SLC5A4: variants seen among roughly 807,000 people sequenced by gnomAD.
SLC5A4 encodes probable glucose sensor protein SLC5A4.
SLC5A4 carries 55 observed loss-of-function variants against 70.3 expected under a neutral mutation model. The ratio of observed to expected loss-of-function variants is 0.78; its 90% confidence interval spans 0.63 to 0.98. The LOEUF (loss-of-function observed/expected upper bound fraction) is 0.98, where lower values mean the gene tolerates loss of function less well. Among genes scored for constraint, SLC5A4 ranks in the 50% least tolerant of loss-of-function variants. The pLI, the probability that SLC5A4 is intolerant of heterozygous loss-of-function variation, is 0.00. For synonymous variants in SLC5A4, 268 were observed against 305.7 expected (o/e 0.88, Z 1.29); for missense variants, 735 against 839.2 (o/e 0.88, Z 1.53).
the SLC5A4 span, among the ~76,000 whole-genome samples, chr22:32,321,548 GATT>G: frequency 3.3e-5 from 5 of 152,184 alleles, no homozygotes; most frequent in Non-Finnish European, 4.4e-5. Context: ...TTGTTGTACA[GATT>G]ATTTCATCAC....
chr22:32,220,403 G>A (rs1433061510), intron 14 of SLC5A4, among the ~76,000 whole-genome samples: 1 of 152,168 alleles, frequency 6.6e-6, no homozygotes, highest in African/African-American at 2.4e-5. Context: ...TAAACAAAGA[G>A]CCAGGGGGAT....
the SLC5A4 span, among the ~76,000 whole-genome samples, chr22:32,327,771 G>A: frequency 1.3e-5 from 2 of 152,138 alleles, no homozygotes; most frequent in Non-Finnish European, 2.9e-5. Context: ...CCTGACGGAT[G>A]TAGTCACTCT....
At chr22:32,340,449 T>C in the SLC5A4 span, among the ~76,000 whole-genome samples, 23 of 152,102 alleles carry the variant, frequency 1.5e-4, no homozygotes, top group Non-Finnish European at 2.9e-4. Flanking sequence ...ATCCCAACTC[T>C]CTTGGGGTTT....
the SLC5A4 span, among the ~76,000 whole-genome samples, chr22:32,308,984 A>T: frequency 2.0e-5 from 3 of 152,010 alleles, no homozygotes. Flanking sequence ...TGTCGCCCAG[A>T]CTAGAGTGCA....
chr22:32,246,046 C>T (rs963081305), intron 5 of SLC5A4, among the ~76,000 whole-genome samples: 2 of 152,208 alleles, frequency 1.3e-5, no homozygotes, highest in Non-Finnish European at 2.9e-5. Flanking sequence ...TACTCTTCTC[C>T]GGGTGTGCAC....
upstream of SLC5A4, among the ~76,000 whole-genome samples, chr22:32,259,067 G>A (rs546928010): frequency 1.3e-5 from 2 of 152,348 alleles, no homozygotes; most frequent in South Asian, 2.1e-4. Context: ...CAGTGAGCAT[G>A]TGGGGAGGTA....
chr22:32,284,704 G>A, the SLC5A4 span: 1 of 152,160 alleles, frequency 6.6e-6, no homozygotes, highest in Non-Finnish European at 1.5e-5. Flanking sequence ...TCACGGGGAG[G>A]AGATACAACA....
upstream of SLC5A4, among the ~76,000 whole-genome samples, chr22:32,256,917 C>A (rs553554987): frequency 6.6e-6 from 1 of 152,328 alleles, no homozygotes; most frequent in African/African-American, 2.4e-5. Context: ...ACTTTCAATT[C>A]TTTTGAGTCT....
chr22:32,225,546 G>A (rs957726757), intron 12 of SLC5A4, 109 bp downstream of exon 12: 2 of 697,286 alleles, frequency 2.9e-6, no homozygotes, highest in African/African-American at 1.8e-5. Flanking sequence ...ATTAAGATGG[G>A]CCATGATTTG....
At chr22:32,348,697 CTCTT>C in the SLC5A4 span, among the ~76,000 whole-genome samples, 2 of 152,274 alleles carry the variant, frequency 1.3e-5, no homozygotes, top group East Asian at 3.9e-4. Flanking sequence ...CTATTTATAA[CTCTT>C]TATAACATTT....
At chr22:32,352,867 G>A in the SLC5A4 span, among the ~76,000 whole-genome samples, 2 of 152,162 alleles carry the variant, frequency 1.3e-5, no homozygotes, top group East Asian at 1.9e-4. Context: ...TTTCATTGCC[G>A]CCCTCCTACC....
At chr22:32,331,681 A>G in the SLC5A4 span, among the ~76,000 whole-genome samples, 1 of 152,036 alleles carries the variant, frequency 6.6e-6, no homozygotes, top group Non-Finnish European at 1.5e-5. Flanking sequence ...GAGCCCACGG[A>G]TTGTACCTGG....
chr22:32,350,049 G>A, the SLC5A4 span, among the ~76,000 whole-genome samples: 4 of 152,094 alleles, frequency 2.6e-5, no homozygotes, highest in Non-Finnish European at 5.9e-5. Flanking sequence ...GGTTTTGAGA[G>A]GGACCTGTCT....
the SLC5A4 span, among the ~76,000 whole-genome samples, chr22:32,352,869 C>T: frequency 2.0e-5 from 3 of 152,252 alleles, no homozygotes; most frequent in Admixed American, 1.3e-4. Flanking sequence ...TCATTGCCGC[C>T]CTCCTACCAC....
At chr22:32,229,482 G>T in intron 10 of SLC5A4, 138 bp from the exon 11 acceptor site, 3 of 850,890 alleles carry the variant, frequency 3.5e-6, no homozygotes, top group Non-Finnish European at 5.2e-6. Context: ...AGCATGTGGA[G>T]TTTCCTGCAT....
chr22:32,291,124 CTGTGT>C, the SLC5A4 span, among the ~76,000 whole-genome samples: 23 of 150,820 alleles, frequency 1.5e-4, no homozygotes, highest in African/African-American at 5.4e-4. Flanking sequence ...CTGATCCTCT[CTGTGT>C]TATGTTTATT....
At chr22:32,300,474 C>G in the SLC5A4 span, among the ~76,000 whole-genome samples, 2 of 152,162 alleles carry the variant, frequency 1.3e-5, no homozygotes, top group Admixed American at 6.5e-5. Context: ...ACTCCCTGAC[C>G]CCTTGCACTT....
At chr22:32,346,391 C>T in the SLC5A4 span, among the ~76,000 whole-genome samples, 31,521 of 151,850 alleles carry the variant, frequency 0.21, 3,704 homozygotes, top group East Asian at 0.48. Flanking sequence ...GAGCCCACAT[C>T]GCCAAGTCAA....
the SLC5A4 span, among the ~76,000 whole-genome samples, chr22:32,350,256 C>T: frequency 9.9e-5 from 15 of 152,138 alleles, no homozygotes. Context: ...TTAATACTGC[C>T]CCCATTGTAA....
Sources: allele counts gnomAD v4.1 joint callset (sites outside exome capture counted in the v4.1 genomes callset), GRCh38; gene constraint gnomAD v4.1.1; transcripts MANE v1.5; gene names NCBI Gene and HGNC (gene_info 2026-07-23, HGNC 2026-07-21).